DDX3X: variants seen among roughly 807,000 people sequenced by gnomAD.
DDX3X encodes the protein ATP-dependent RNA helicase DDX3X.
In DDX3X, 4 loss-of-function variants were observed where a neutral mutation model predicts 52.7. That is an observed-to-expected ratio of 0.08 (90% CI 0.04 to 0.17). The LOEUF (loss-of-function observed/expected upper bound fraction) is 0.17, where lower values mean the gene tolerates loss of function less well. Among genes scored for constraint, DDX3X ranks in the 10% least tolerant of loss-of-function variants. DDX3X has a pLI of 1.00. For missense variants in DDX3X, 222 were observed against 548.6 expected, an observed-to-expected ratio of 0.40 and a Z score of 5.95; for synonymous variants, 192 against 178.1, an observed-to-expected ratio of 1.08 and a Z score of -0.62.
At chrX:41,344,484 C>T (rs757786849) in intron 10 of DDX3X, 85 bp downstream of exon 10, 14 of 1,088,758 alleles carry the variant, frequency 1.3e-5, no homozygotes, top group Non-Finnish European at 1.7e-5. Context: ...GTTGCCCAGG[C>T]TGGAGTGCCA....
At chrX:41,341,856 GAGTA>G (rs1461492454) in intron 4 of DDX3X, 3 of 306,736 alleles carry the variant, frequency 9.8e-6, no homozygotes, top group Admixed American at 1.1e-4. Context: ...CTACTTAAAA[GAGTA>G]AGTTCATCTA....
chrX:41,364,014 C>T (rs775915712), intron 5 of DDX3X, among the ~76,000 whole-genome samples: 1 of 111,730 alleles, frequency 9.0e-6, no homozygotes, highest in Non-Finnish European at 1.9e-5. Context: ...TGCCTTCATT[C>T]TCTCACCCTT....
At chrX:41,354,197 A>T (rs2063999836), downstream of DDX3X, among the ~76,000 whole-genome samples, 1 of 110,769 alleles carries the variant, frequency 9.0e-6, no homozygotes, top group African/African-American at 3.3e-5. Context: ...CCATTGGTAC[A>T]ATCCACACAC....
chrX:41,355,799 A>G (rs975842456), intron 5 of DDX3X, among the ~76,000 whole-genome samples: 5 of 109,652 alleles, frequency 4.6e-5, no homozygotes, highest in African/African-American at 1.7e-4. Context: ...TTATTTTTAA[A>G]TTTTGGCTGC....
At position 41,337,428 on chromosome X, in the gene DDX3X, C is replaced by T. The variant is rs1422039481; in HGVS notation, c.66C>T (p.Asn22=). 5.0e-6 allele frequency: 6 copies of T among 1,208,002 alleles called. No homozygotes were observed. Among genetic ancestry groups the T allele is most frequent in the Non-Finnish European group, 6.7e-6 (6 of 894,055 alleles). Reference sequence around the variant, plus strand: ...TCTAGTTTGCTGGCCTAGACCTGAACTCTTCAGATAATCAGAGTGGAGGAA... The same window carrying T: ...TCTAGTTTGCTGGCCTAGACCTGAATTCTTCAGATAATCAGAGTGGAGGAA... ...LDQQFAGLDL[N]SSDNQSGGST... Residue 22 remains asparagine, a synonymous_variant, in exon 2 of 17, where the codon AAC becomes AAT. Coordinates refer to ENST00000644876, the MANE Select transcript of DDX3X (RefSeq NM_001356.5).
At chrX:41,350,902 TTTG>T (rs1490971632), downstream of DDX3X, 1 of 112,127 alleles carries the variant, frequency 8.9e-6, no homozygotes, top group Non-Finnish European at 1.9e-5. Context: ...GTATTCAGCT[TTTG>T]TTTCAGTAAG....
upstream of DDX3X, chrX:41,333,896 A>C (rs1044765265): frequency 1.7e-5 from 3 of 176,790 alleles, no homozygotes; most frequent in Non-Finnish European, 3.2e-5. Context: ...CGAGGCTGAG[A>C]CTAGGGTTTT....
rs1469473325 is a variant in DDX3X, at chrX:41,334,195, G to A, written c.-58G>A. On this transcript the variant is annotated 5_prime_UTR_variant, in exon 1 of 17. Transcript: ENST00000644876. ...AGTTCTCCCGTGAGAGGGCCTTCGC[G>A]GTGGAACAAACACTCGCTTAGCAGC... 4 of 1,143,889 alleles carry A rather than the reference G, an allele frequency of 3.5e-6. No individual in the cohort carries two copies. Among genetic ancestry groups the A allele is most frequent in the East Asian group, 3.0e-5 (1 of 32,836 alleles). 94.3% of individuals were successfully genotyped at this position (1,143,889 alleles called of 1,213,427 possible). A position where few individuals can be genotyped will look rare whatever the true frequency, so the allele number is the denominator to read the frequency against.
chrX:41,334,864 A>C, intron 1 of DDX3X: 1 of 612,462 alleles, frequency 1.6e-6, no homozygotes, highest in Non-Finnish European at 2.1e-6. Flanking sequence ...GCTGTGGCTC[A>C]CCTCCGGGAG....
downstream of DDX3X, chrX:41,351,133 CAA>C (rs1466112383): frequency 9.0e-6 from 1 of 111,436 alleles, no homozygotes; most frequent in Non-Finnish European, 1.9e-5. Context: ...ATTGGATAGT[CAA>C]TGGCTGAAAG....
chrX:41,361,032 C>T (rs1223530305), intron 5 of DDX3X, among the ~76,000 whole-genome samples: 3 of 108,951 alleles, frequency 2.8e-5, no homozygotes, highest in Non-Finnish European at 3.8e-5. Context: ...GCATGAGCCA[C>T]GGTGCTTGGC....
At chrX:41,338,828 T>A (rs745399755) in intron 2 of DDX3X, 34 of 145,245 alleles carry the variant, frequency 2.3e-4, no homozygotes, top group South Asian at 1.0e-3. Flanking sequence ...AGCTTTTTTT[T>A]ATCAAACTCC....
chrX:41,354,719 G>A (rs1041693202), downstream of DDX3X, among the ~76,000 whole-genome samples: 23 of 111,342 alleles, frequency 2.1e-4, no homozygotes, highest in African/African-American at 6.9e-4. Flanking sequence ...TCTCTAAAAT[G>A]TAATTTTAAA....
In DDX3X at chrX:41,344,420, GTTTTT is replaced by G. The variant is rs200111332; in HGVS notation, c.1025+24_1025+28del. On this transcript the variant is annotated intron_variant, in intron 10 of 16. Transcript: ENST00000644876. ...TGCAAGTATGTTTTATTTTGTTTTT[GTTTTT>G]TTGTTTTGTTTTGTTTTGTTCTTTT... 1.0e-3 allele frequency: 1,250 copies of G among 1,202,206 alleles called. 8 individuals carry two copies. The East Asian group carries it at 0.028, about 27-fold the overall frequency.
At position 41,347,722 on chromosome X, in the gene DDX3X, C is replaced by T. The variant is rs768473702; in HGVS notation, c.*3C>T. ...GGGTTGACTGGTGGGGTAACTGAGCCTGCTTTGCAGTAGGTCACCCTGCCA... is the reference window on the plus strand; with the variant it reads ...GGGTTGACTGGTGGGGTAACTGAGCTTGCTTTGCAGTAGGTCACCCTGCCA... On this transcript the variant is annotated 3_prime_UTR_variant, in exon 17 of 17. Coordinates refer to ENST00000644876, the MANE Select transcript of DDX3X (RefSeq NM_001356.5). The T allele has an allele frequency of 4.3e-6, 5 of 1,163,677 alleles. No homozygotes were observed. In the Admixed American group the frequency reaches 1.2e-4, roughly 28 times the overall value.
intron 3 of DDX3X, chrX:41,339,954 C>T (rs1294826037): frequency 1.1e-5 from 1 of 91,969 alleles, no homozygotes. Context: ...TGCTCTGCTG[C>T]GGAGGCTGGA....
chrX:41,343,141 T>C, intron 6 of DDX3X, 75 bp from the exon 7 acceptor site: 15 of 1,066,432 alleles, frequency 1.4e-5, no homozygotes, highest in Non-Finnish European at 1.7e-5. Flanking sequence ...AGCTGTTGGT[T>C]GGTTGTTTCC....
chrX:41,353,297 C>CAAAAAAAAAAAAAAAAAAAAAA (rs61067509), downstream of DDX3X, among the ~76,000 whole-genome samples: 1 of 46,036 alleles, frequency 2.2e-5, no homozygotes, highest in Non-Finnish European at 4.0e-5. Flanking sequence ...ACTAAAAATA[C>CAAAAAAAAAAAAAAAAAAAAAA]AAAAAAAAAA....
At chrX:41,334,460 G>T in intron 1 of DDX3X, 163 bp downstream of exon 1, 2 of 1,105,451 alleles carry the variant, frequency 1.8e-6, no homozygotes, top group South Asian at 2.2e-5. Context: ...TAGGAATGTT[G>T]GTTGGGGCTG....
Sources: gnomAD v4.1 joint callset for allele counts (sites outside exome capture counted in the v4.1 genomes callset) on GRCh38, gnomAD v4.1.1 for gene constraint, MANE v1.5 for transcripts, NCBI Gene and HGNC (gene_info 2026-07-23, HGNC 2026-07-21) for gene names.